Variants in ASTN2 observed in about 807,000 individuals in gnomAD.
The protein encoded by ASTN2 is astrotactin-2.
A neutral mutation model predicts 139.8 loss-of-function variants in ASTN2; 54 were observed. That is an observed-to-expected ratio of 0.39 (90% CI 0.31 to 0.48). The LOEUF (loss-of-function observed/expected upper bound fraction) is 0.48. ASTN2 is among the 20% of genes least tolerant of loss of function. The pLI, the probability that ASTN2 is intolerant of heterozygous loss-of-function variation, is 0.95. For synonymous variants in ASTN2, 756 were observed against 719.5 expected (o/e 1.05, Z -0.81); for missense variants, 1,565 against 1,725.1 (o/e 0.91, Z 1.64).
intron 22 of ASTN2, among the ~76,000 whole-genome samples, chr9:116,439,477 G>GGCGTGAGCCACCGC (rs1485472070): frequency 5.7e-5 from 8 of 139,840 alleles, no homozygotes; most frequent in Admixed American, 1.3e-4. Flanking sequence ...TGGGATTACA[G>GGCGTGAGCCACCGC]GCGTGAGCCA....
chr9:117,082,172 GGATGGC>G (rs1828445297), intron 5 of ASTN2, among the ~76,000 whole-genome samples: 1 of 152,122 alleles, frequency 6.6e-6, no homozygotes, highest in Non-Finnish European at 1.5e-5. Flanking sequence ...GTCCCCATCT[GGATGGC>G]TCACAGGCAC....
intron 1 of ASTN2, among the ~76,000 whole-genome samples, chr9:117,334,083 C>A (rs1454172322): frequency 6.6e-6 from 1 of 152,152 alleles, no homozygotes; most frequent in Non-Finnish European, 1.5e-5. Flanking sequence ...TGGTTTTCCA[C>A]AATTAACTTG....
intron 11 of ASTN2, among the ~76,000 whole-genome samples, chr9:116,826,822 A>T (rs1293179408): frequency 6.6e-6 from 1 of 152,186 alleles, no homozygotes; most frequent in East Asian, 1.9e-4. Flanking sequence ...AGGTGTGAAG[A>T]CTGGCTCACT....
chr9:117,065,414 C>T (rs1228966577), intron 5 of ASTN2, among the ~76,000 whole-genome samples: 4 of 152,110 alleles, frequency 2.6e-5, no homozygotes, highest in Non-Finnish European at 4.4e-5. Flanking sequence ...AGTATAGCCT[C>T]CAGCCTGTGT....
Position 116,698,224 on chromosome 9 carries a change from G to A in ASTN2, c.2806+27547C>T. 1 of 1,614,144 alleles carries A rather than the reference G, an allele frequency of 6.2e-7. No homozygotes were observed. Among genetic ancestry groups the A allele is most frequent in the Non-Finnish European group, 8.5e-7 (1 of 1,180,032 alleles). On this transcript the variant is annotated intron_variant, in intron 16 of 22. Coordinates refer to ENST00000313400, the MANE Select transcript of ASTN2 (RefSeq NM_001365068.1). This position sits in a 1 kb window ranked among gnomAD's most constrained non-coding sequence, Gnocchi z 4.4. Reference sequence around the variant, plus strand: ...TTAACTCGTCTGCGGGAACTTATGGGGGAGCTGCAGCGGCGGAAGGCAGCC... The same window carrying A: ...TTAACTCGTCTGCGGGAACTTATGGAGGAGCTGCAGCGGCGGAAGGCAGCC...
At chr9:116,838,621 G>T (rs1358739506) in intron 11 of ASTN2, among the ~76,000 whole-genome samples, 2 of 136,616 alleles carry the variant, frequency 1.5e-5, no homozygotes, top group Non-Finnish European at 3.1e-5. Context: ...TAGAGATGGA[G>T]TTTCACCAGG....
chr9:116,499,841 C>T (rs1849796049), intron 19 of ASTN2, among the ~76,000 whole-genome samples: 1 of 152,096 alleles, frequency 6.6e-6, no homozygotes, highest in South Asian at 2.1e-4. Context: ...GGGGACTGGT[C>T]AGTGCCCCTA....
intron 16 of ASTN2, among the ~76,000 whole-genome samples, chr9:116,721,008 C>T (rs1828457768): frequency 6.6e-6 from 1 of 152,172 alleles, no homozygotes. Flanking sequence ...TGCCTTCACG[C>T]ACATACATAC....
intron 7 of ASTN2, among the ~76,000 whole-genome samples, chr9:117,007,845 G>C (rs540465144): frequency 6.6e-6 from 1 of 152,162 alleles, no homozygotes; most frequent in Admixed American, 6.5e-5. Flanking sequence ...CATTTTGCTT[G>C]TCTGGAGCTA....
At chr9:116,808,382 TG>T (rs1831085076) in intron 12 of ASTN2, among the ~76,000 whole-genome samples, 1 of 152,118 alleles carries the variant, frequency 6.6e-6, no homozygotes, top group South Asian at 2.1e-4. Context: ...AACACACATA[TG>T]CACACACACA....
intron 3 of ASTN2, among the ~76,000 whole-genome samples, chr9:117,199,262 T>A (rs1482150223): frequency 6.6e-6 from 1 of 152,210 alleles, no homozygotes; most frequent in Non-Finnish European, 1.5e-5. Context: ...TTTATGGTTT[T>A]GGGTTTTACA....
intron 19 of ASTN2, among the ~76,000 whole-genome samples, chr9:116,511,651 T>C (rs1000737303): frequency 1.3e-5 from 2 of 152,208 alleles, no homozygotes; most frequent in Admixed American, 6.5e-5. Flanking sequence ...TTTTGGTTGG[T>C]AGGCTATTAA....
chr9:116,451,275 A>G (rs1848164489), intron 20 of ASTN2, among the ~76,000 whole-genome samples: 2 of 152,230 alleles, frequency 1.3e-5, no homozygotes, highest in South Asian at 2.1e-4. Context: ...AAATAATTAT[A>G]GTATTAACAC....
At chr9:116,427,419 G>T (rs1405505822) in intron 22 of ASTN2, among the ~76,000 whole-genome samples, 1 of 152,204 alleles carries the variant, frequency 6.6e-6, no homozygotes, top group Admixed American at 6.5e-5. Flanking sequence ...AGAAGGAATA[G>T]AATATCTTTA....
chr9:117,200,526 C>T (rs1226545627), intron 3 of ASTN2, among the ~76,000 whole-genome samples: 2 of 151,976 alleles, frequency 1.3e-5, no homozygotes, highest in Non-Finnish European at 2.9e-5. Flanking sequence ...ATTATTTTGA[C>T]ATATGTTCCA....
chr9:117,349,294 T>C (rs1189264956), intron 1 of ASTN2, among the ~76,000 whole-genome samples: 1 of 152,118 alleles, frequency 6.6e-6, no homozygotes, highest in Non-Finnish European at 1.5e-5. Context: ...AGTCATTGAT[T>C]CCAGTTTGTT....
At chr9:117,136,655 C>A (rs944493434) in intron 4 of ASTN2, among the ~76,000 whole-genome samples, 1 of 152,090 alleles carries the variant, frequency 6.6e-6, no homozygotes, top group Non-Finnish European at 1.5e-5. Flanking sequence ...TCGGTGCCAA[C>A]GCTGCTGCAG....
chr9:117,131,259 C>A lies in ASTN2; in HGVS notation c.1168+10067G>T, dbSNP rs375192009. On this transcript the variant is annotated intron_variant, in intron 4 of 22. Transcript: ENST00000313400. ...CATTATGATGAAAAGGGCAGTCAGA[C>A]ATGTCTCATTATACCCCTCTTCTTT... is the stretch of plus-strand genomic sequence containing the variant. Among the ~76,000 whole-genome samples the A allele has an allele frequency of 2.6e-5, 4 of 152,214 alleles. No individual in the cohort carries two copies. The East Asian group carries it at 7.7e-4, about 29-fold the overall frequency.
At chr9:117,227,145 G>A (rs1832741517) in intron 2 of ASTN2, among the ~76,000 whole-genome samples, 1 of 152,082 alleles carries the variant, frequency 6.6e-6, no homozygotes, top group South Asian at 2.1e-4. Context: ...TCATGGTCAG[G>A]GATTGCTGAT....
Sources: allele counts gnomAD v4.1 joint callset (sites outside exome capture counted in the v4.1 genomes callset), GRCh38; gene constraint gnomAD v4.1.1; non-coding constraint Gnocchi (gnomAD v3.1); transcripts MANE v1.5; gene names NCBI Gene and HGNC (gene_info 2026-07-23, HGNC 2026-07-21).